The following PLGRKT variants were observed in gnomAD, a reference collection of about 807,000 sequenced individuals.
The protein encoded by PLGRKT is plasminogen receptor with a C-terminal lysine.
Under a neutral mutation model 18.5 loss-of-function variants are expected in PLGRKT, and 22 were observed. The observed-to-expected ratio is 1.19, with a 90% CI of 0.85 to 1.70. PLGRKT has a LOEUF of 1.70. Among genes scored for constraint, PLGRKT ranks in the 40% most tolerant of loss-of-function variants. PLGRKT has a pLI of 0.00. For missense variants in PLGRKT, 235 were observed against 174.4 expected, an observed-to-expected ratio of 1.35 and a Z score of -1.96; for synonymous variants, 72 against 52.8, an observed-to-expected ratio of 1.36 and a Z score of -1.58.
At chr9:5,427,189 T>C (rs1818718035) in intron 3 of PLGRKT, among the ~76,000 whole-genome samples, 1 of 152,220 alleles carries the variant, frequency 6.6e-6, no homozygotes. Flanking sequence ...AATCATCCCC[T>C]TGTCTAGTGT....
intron 3 of PLGRKT, among the ~76,000 whole-genome samples, chr9:5,389,189 G>A (rs1817900198): frequency 6.6e-6 from 1 of 151,932 alleles, no homozygotes; most frequent in African/African-American, 2.4e-5. Flanking sequence ...TTACTTAGAA[G>A]CAGGAAGAAA....
rs1563762862 is a variant in PLGRKT at position 5,358,221 on chromosome 9, T to C, written c.*18A>G. The C allele has an allele frequency of 1.3e-6, 2 of 1,594,164 alleles. No individual in the cohort carries two copies. The highest frequency in any genetic ancestry group is 1.7e-6 in the Non-Finnish European group (2 of 1,165,044). On this transcript the variant is annotated 3_prime_UTR_variant, in exon 6 of 6. Transcript: ENST00000223864. ...GTCAATAATTCTGTGCTTTGAGATT[T>C]GATTGGTAAGCATGATTTCATTTGT... is the stretch of plus-strand genomic sequence containing the variant.
intron 3 of PLGRKT, among the ~76,000 whole-genome samples, chr9:5,394,902 C>T (rs1386980316): frequency 6.6e-6 from 1 of 151,772 alleles, no homozygotes; most frequent in Admixed American, 6.6e-5. Context: ...AAGCTGACTG[C>T]AACGGAGCCT....
intron 4 of PLGRKT, 70 bp from the exon 5 acceptor site, chr9:5,361,257 GAA>G: frequency 2.5e-6 from 2 of 788,650 alleles, no homozygotes; most frequent in Non-Finnish European, 2.1e-6. Flanking sequence ...TATACTTAAA[GAA>G]AAAAAAATAC....
intron 3 of PLGRKT, among the ~76,000 whole-genome samples, chr9:5,368,770 T>C (rs10815194): frequency 0.28 from 42,591 of 151,972 alleles, 6,188 homozygotes; most frequent in Non-Finnish European, 0.32. Flanking sequence ...TATAGACCAA[T>C]GGAACAGAGC....
intron 3 of PLGRKT, among the ~76,000 whole-genome samples, chr9:5,411,428 T>C (rs16923151): frequency 0.011 from 1,709 of 151,716 alleles, 29 homozygotes; most frequent in African/African-American, 0.039. Flanking sequence ...GGAAACACTA[T>C]TGAGCATCTA....
chr9:5,431,867 A>C, intron 3 of PLGRKT, 30 bp downstream of exon 3: 1 of 1,074,514 alleles, frequency 9.3e-7, no homozygotes, highest in Non-Finnish European at 1.4e-6. Context: ...CATTGTAACA[A>C]CATAATAGCT....
chr9:5,383,847 C>A (rs1817791281), intron 3 of PLGRKT, among the ~76,000 whole-genome samples: 1 of 152,192 alleles, frequency 6.6e-6, no homozygotes. Context: ...CAGTACCAGT[C>A]CGTGGCCCAG....
chr9:5,432,129 T>C (rs1818839779), intron 2 of PLGRKT, 146 bp from the exon 3 acceptor site: 2 of 577,140 alleles, frequency 3.5e-6, no homozygotes, highest in Non-Finnish European at 6.2e-6. Flanking sequence ...ATTCTAGTTC[T>C]TGCTCCTAAC....
chr9:5,413,328 TG>T (rs1818399961), intron 3 of PLGRKT, among the ~76,000 whole-genome samples: 1 of 152,174 alleles, frequency 6.6e-6, no homozygotes, highest in South Asian at 2.1e-4. Context: ...GGCAGAATAA[TG>T]GGACCTCAGA....
At chr9:5,405,193 TA>T (rs1182382762) in intron 3 of PLGRKT, among the ~76,000 whole-genome samples, 1 of 152,196 alleles carries the variant, frequency 6.6e-6, no homozygotes, top group East Asian at 1.9e-4. Context: ...CAAAACAATT[TA>T]TAGATTCAGT....
chr9:5,389,385 T>C (rs1032416644), intron 3 of PLGRKT, among the ~76,000 whole-genome samples: 4 of 151,882 alleles, frequency 2.6e-5, no homozygotes, highest in African/African-American at 9.7e-5. Flanking sequence ...TGTCTGATGG[T>C]GCTGATCTAT....
chr9:5,367,439 A>G (rs887227061), intron 3 of PLGRKT, among the ~76,000 whole-genome samples: 1 of 152,144 alleles, frequency 6.6e-6, no homozygotes, highest in African/African-American at 2.4e-5. Context: ...AAAGCCACAT[A>G]CCTACAACCA....
At chr9:5,381,921 G>C in intron 3 of PLGRKT, 1 of 985,108 alleles carries the variant, frequency 1.0e-6, no homozygotes, top group Non-Finnish European at 1.2e-6. Flanking sequence ...ATGAGAGGAA[G>C]AGTCTGCTCC....
At chr9:5,429,688 A>C (rs12335721) in intron 3 of PLGRKT, among the ~76,000 whole-genome samples, 2 of 152,160 alleles carry the variant, frequency 1.3e-5, no homozygotes, top group African/African-American at 4.8e-5. Context: ...CCTCATTTTA[A>C]CTTGATTACC....
At chr9:5,424,652 A>ATATT (rs61342920) in intron 3 of PLGRKT, among the ~76,000 whole-genome samples, 30,972 of 126,116 alleles carry the variant, frequency 0.25, 4,125 homozygotes, top group Non-Finnish European at 0.27. Flanking sequence ...CATTATATAT[A>ATATT]ATATAATTAT....
In PLGRKT at chr9:5,424,689, T is replaced by TATATATATATATATATATACAC. The variant is rs1563790070; in HGVS notation, c.81+7207_81+7208insGTGTATATATATATATATATAT. 3.0e-3 allele frequency among the ~76,000 whole-genome samples: 212 copies of TATATATATATATATATATACAC among 70,724 alleles called. 1 individual carries two copies. Among genetic ancestry groups the TATATATATATATATATATACAC allele is most frequent in the East Asian group, 9.1e-3 (33 of 3,628 alleles). The allele number at this position is 70,724 out of a possible 152,430, so 46.4% of individuals were successfully genotyped here. ...TATTTTATATATATATATATATATA[T>TATATATATATATATATATACAC]ATACACACAGGGGGGGGAGAGAGGG... On this transcript the variant is annotated intron_variant, in intron 3 of 5. Coordinates refer to ENST00000223864, the MANE Select transcript of PLGRKT (RefSeq NM_018465.4).
At chr9:5,429,477 G>A (rs897843248) in intron 3 of PLGRKT, among the ~76,000 whole-genome samples, 15 of 152,194 alleles carry the variant, frequency 9.9e-5, no homozygotes, top group African/African-American at 3.1e-4. Context: ...AAATCAAGGT[G>A]TCTGCAAGGT....
chr9:5,437,456 C>T (rs1270063720), intron 1 of PLGRKT, among the ~76,000 whole-genome samples: 1 of 152,206 alleles, frequency 6.6e-6, no homozygotes. Flanking sequence ...GTAATTAACA[C>T]CGCCCTTGCT....
Sources: allele counts gnomAD v4.1 joint callset (sites outside exome capture counted in the v4.1 genomes callset), GRCh38; gene constraint gnomAD v4.1.1; transcripts MANE v1.5; gene names NCBI Gene and HGNC (gene_info 2026-07-23, HGNC 2026-07-21).